The following ZNF565 variants were observed in gnomAD, a reference collection of about 807,000 sequenced individuals.
ZNF565 encodes zinc finger protein 565.
ZNF565 carries 27 observed loss-of-function variants against 39.4 expected under a neutral mutation model. That is an observed-to-expected ratio of 0.69 (90% CI 0.51 to 0.95). The LOEUF is 0.95. ZNF565 is among the 40% of genes least tolerant of loss of function. The pLI is 0.00. For synonymous variants in ZNF565, 185 were observed against 216.6 expected (o/e 0.85, Z 1.28); for missense variants, 524 against 621.1 (o/e 0.84, Z 1.66).
intron 1 of ZNF565, among the ~76,000 whole-genome samples, chr19:36,206,821 CTG>C (rs1401762232): frequency 2.0e-5 from 3 of 152,100 alleles, no homozygotes; most frequent in Non-Finnish European, 4.4e-5. Context: ...AACAAAGACT[CTG>C]TCACAAACAA....
At chr19:36,191,008 A>C (rs1375819858) in intron 4 of ZNF565, among the ~76,000 whole-genome samples, 4 of 150,970 alleles carry the variant, frequency 2.6e-5, no homozygotes, top group African/African-American at 4.9e-5. Context: ...AAAAAAAAAA[A>C]AACACATAAA....
intron 1 of ZNF565, chr19:36,237,182 G>C: frequency 6.2e-7 from 1 of 1,614,174 alleles, no homozygotes; most frequent in Non-Finnish European, 8.5e-7. Context: ...ATGTGGGAAA[G>C]CTTTCTCTCA....
At position 36,241,345 on chromosome 19, in the gene ZNF565, G is replaced by T. The variant is rs371712098; in HGVS notation, c.55+4131C>A. Among the ~76,000 whole-genome samples, 194 of 152,050 alleles carry T rather than the reference G, an allele frequency of 1.3e-3. 1 individual carries two copies. The highest frequency in any genetic ancestry group is 4.6e-3 in the African/African-American group (189 of 41,484). On this transcript the variant is annotated intron_variant, in intron 1 of 4. Transcript: ENST00000355114. ...CTAAAAATACAAAAATTAGCCAGATGTGGTAGCGGGGGCCAGTAATCCCAG... is the reference window on the plus strand; with the variant it reads ...CTAAAAATACAAAAATTAGCCAGATTTGGTAGCGGGGGCCAGTAATCCCAG...
intron 1 of ZNF565, among the ~76,000 whole-genome samples, chr19:36,223,537 G>A (rs941593373): frequency 6.6e-6 from 1 of 151,616 alleles, no homozygotes; most frequent in Non-Finnish European, 1.5e-5. Flanking sequence ...TAATTTTTTC[G>A]TATTTTTAGT....
chr19:36,233,851 C>G (rs944688017), intron 1 of ZNF565, among the ~76,000 whole-genome samples: 1 of 152,168 alleles, frequency 6.6e-6, no homozygotes, highest in Non-Finnish European at 1.5e-5. Context: ...AGATGCCTTC[C>G]TCTTATCTCA....
At chr19:36,191,319 T>C (rs1055680728) in intron 4 of ZNF565, among the ~76,000 whole-genome samples, 5 of 149,834 alleles carry the variant, frequency 3.3e-5, no homozygotes, top group Admixed American at 6.7e-5. Flanking sequence ...TCTTTCTTTT[T>C]TTTTTTTTTT....
chr19:36,196,915 C>T (rs901241488), intron 2 of ZNF565, among the ~76,000 whole-genome samples: 13 of 151,654 alleles, frequency 8.6e-5, no homozygotes, highest in African/African-American at 2.7e-4. Context: ...AAATTAGCTG[C>T]GCGTGGTGGC....
chr19:36,214,280 G>T (rs1032347645), intron 1 of ZNF565, among the ~76,000 whole-genome samples: 22 of 151,866 alleles, frequency 1.4e-4, no homozygotes, highest in African/African-American at 5.3e-4. Flanking sequence ...TTGGAGACAT[G>T]AATCACAACC....
intron 1 of ZNF565, among the ~76,000 whole-genome samples, chr19:36,239,192 T>G (rs946946534): frequency 6.6e-6 from 1 of 152,154 alleles, no homozygotes; most frequent in Non-Finnish European, 1.5e-5. Context: ...AACTTTAACT[T>G]TTTCTTTGTT....
At chr19:36,194,187 C>T (rs189446279) in intron 4 of ZNF565, 46 bp downstream of exon 4, 126 of 1,511,162 alleles carry the variant, frequency 8.3e-5, no homozygotes, top group Admixed American at 1.6e-4. Context: ...TCCTGTCAGT[C>T]GACTCATCCA....
chr19:36,184,352 G>A (rs1975213611), intron 4 of ZNF565, among the ~76,000 whole-genome samples: 1 of 151,774 alleles, frequency 6.6e-6, no homozygotes, highest in Non-Finnish European at 1.5e-5. Flanking sequence ...CGCAACCTCC[G>A]CCTCTTGGGT....
At chr19:36,210,710 C>A (rs1319855796) in intron 1 of ZNF565, among the ~76,000 whole-genome samples, 1 of 151,496 alleles carries the variant, frequency 6.6e-6, no homozygotes, top group Admixed American at 6.6e-5. Context: ...CTGCAACCTC[C>A]GCCTCCCGGG....
intron 4 of ZNF565, among the ~76,000 whole-genome samples, chr19:36,190,635 G>C (rs1281109300): frequency 2.7e-5 from 4 of 150,826 alleles, no homozygotes; most frequent in Non-Finnish European, 5.9e-5. Context: ...AAGATGGCGA[G>C]ATTATCCCAG....
intron 1 of ZNF565, chr19:36,237,139 C>T: frequency 6.2e-7 from 1 of 1,614,108 alleles, no homozygotes; most frequent in Non-Finnish European, 8.5e-7. Context: ...ATGTGAGAAG[C>T]CATACAGGGG....
chr19:36,237,414 G>A lies in ZNF565; in HGVS notation c.55+8062C>T, dbSNP rs986938292. 7.0e-6 allele frequency: 10 copies of A among 1,436,726 alleles called. No individual in the cohort carries two copies. In the African/African-American group the frequency reaches 1.0e-4, roughly 15 times the overall value. The allele number at this position is 1,436,726 out of a possible 1,614,324, so 89.0% of individuals were successfully genotyped here. On this transcript the variant is annotated intron_variant, in intron 1 of 4. Transcript: ENST00000355114. The stretch of plus-strand genomic sequence containing the variant: ...TAATCCTTCTGAAGCAAAGCACCAC[G>A]AATGAGGTTAACTTTAACAAGTACT...
intron 4 of ZNF565, among the ~76,000 whole-genome samples, chr19:36,186,586 G>A (rs921077679): frequency 1.3e-5 from 2 of 151,998 alleles, no homozygotes; most frequent in Admixed American, 6.6e-5. Context: ...TCAGGAGTTC[G>A]AAACCAGACT....
At position 36,245,799 on chromosome 19, in the gene ZNF565, G is replaced by C. The variant is rs1291661228; in HGVS notation, c.-269C>G. The stretch of plus-strand genomic sequence containing the variant: ...GGGCTCGGTGCCGGAGGCTACTCTT[G>C]AGTCCCGGTTCCTTCGCCCAGCTGC... On this transcript the variant is annotated 5_prime_UTR_variant, in exon 1 of 5. Transcript: ENST00000355114. The surrounding 1 kb of genome is among the most constrained non-coding windows in gnomAD (Gnocchi z 4.4). 2.2e-6 allele frequency: 1 copy of C among 450,420 alleles called. No individual in the cohort carries two copies. The highest frequency in any genetic ancestry group is 4.0e-5 in the Admixed American group (1 of 25,164). The allele number at this position is 450,420 out of a possible 1,614,324, so 27.9% of individuals were successfully genotyped here. A position where few individuals can be genotyped will look rare whatever the true frequency, so the allele number is the denominator to read the frequency against.
At chr19:36,209,881 T>C in intron 1 of ZNF565, among the ~76,000 whole-genome samples, 1 of 151,952 alleles carries the variant, frequency 6.6e-6, no homozygotes, top group Middle Eastern at 3.4e-3. Flanking sequence ...TATATTTATA[T>C]ATATTAATAC....
intron 1 of ZNF565, among the ~76,000 whole-genome samples, chr19:36,240,070 G>A (rs890284226): frequency 6.6e-6 from 1 of 152,080 alleles, no homozygotes; most frequent in Non-Finnish European, 1.5e-5. Flanking sequence ...TTCCCTGTTT[G>A]CACATATATT....
Sources: allele counts gnomAD v4.1 joint callset (sites outside exome capture counted in the v4.1 genomes callset), GRCh38; gene constraint gnomAD v4.1.1; non-coding constraint Gnocchi (gnomAD v3.1); transcripts MANE v1.5; gene names NCBI Gene and HGNC (gene_info 2026-07-23, HGNC 2026-07-21).